The following PCDHGA9 variants were observed in gnomAD, a reference collection of about 807,000 sequenced individuals.
PCDHGA9 encodes the protein protocadherin gamma-A9.
PCDHGA9 carries 37 observed loss-of-function variants against 62.5 expected under a neutral mutation model. That is an observed-to-expected ratio of 0.59 (90% CI 0.46 to 0.78). The LOEUF (loss-of-function observed/expected upper bound fraction) is 0.78, where lower values mean the gene tolerates loss of function less well. Ranked by LOEUF, PCDHGA9 falls within the 30% of genes least tolerant of loss-of-function variation. PCDHGA9 has a pLI of 0.00. For missense variants in PCDHGA9, 1,138 were observed against 1,166.2 expected, an observed-to-expected ratio of 0.98 and a Z score of 0.35; for synonymous variants, 459 against 484.6, an observed-to-expected ratio of 0.95 and a Z score of 0.69.
intron 1 of PCDHGA9, chr5:141,409,528 C>T (rs1488294674): frequency 3.1e-6 from 5 of 1,613,882 alleles, no homozygotes; most frequent in Non-Finnish European, 4.2e-6. Context: ...CCTTGTATGT[C>T]GCTGACATCA....
At chr5:141,421,565 A>G (rs1373619696) in intron 1 of PCDHGA9, 1 of 1,613,952 alleles carries the variant, frequency 6.2e-7, no homozygotes, top group Admixed American at 1.7e-5. Context: ...CTCGTGGAAG[A>G]CACCTTGAAG....
intron 1 of PCDHGA9, chr5:141,410,275 C>A: frequency 6.2e-7 from 1 of 1,614,038 alleles, no homozygotes; most frequent in Non-Finnish European, 8.5e-7. Context: ...TGCAGTTTTA[C>A]CTGGTGGTGG....
chr5:141,465,966 C>CA (rs2099113454), intron 1 of PCDHGA9, among the ~76,000 whole-genome samples: 1 of 151,802 alleles, frequency 6.6e-6, no homozygotes, highest in Non-Finnish European at 1.5e-5. Flanking sequence ...ACTAAAAATA[C>CA]AAAAAATTAG....
intron 1 of PCDHGA9, chr5:141,423,833 T>G: frequency 1.8e-5 from 23 of 1,262,362 alleles, no homozygotes; most frequent in East Asian, 7.3e-5. Flanking sequence ...TTCATGAGAT[T>G]ACGATAATCT....
intron 1 of PCDHGA9, among the ~76,000 whole-genome samples, chr5:141,454,796 A>ATTTTTTTTTTTTTTTTTTTTTT (rs61612330): frequency 5.2e-5 from 4 of 77,456 alleles, no homozygotes; most frequent in Non-Finnish European, 7.0e-5. Context: ...CATGGTTCTA[A>ATTTTTTTTTTTTTTTTTTTTTT]TTTTTTTTTT....
chr5:141,409,205 A>G (rs766592481), intron 1 of PCDHGA9: 3 of 1,614,068 alleles, frequency 1.9e-6, no homozygotes, highest in Non-Finnish European at 1.7e-6. Context: ...TAAAGTAATC[A>G]TAGAAATCCT....
Position 141,405,365 on chromosome 5 carries a change from C to T in PCDHGA9, c.2413C>T (p.Pro805Ser), listed in dbSNP as rs773382376. 2.5e-6 allele frequency: 4 copies of T among 1,613,614 alleles called. No homozygotes were observed. The Admixed American group carries it at 5.0e-5, about 20-fold the overall frequency. The change falls in exon 1 of 4, where the codon CCT (proline) becomes TCT (serine). Residue 805 changes from proline (P) to serine (S), a missense_variant. Physicochemically the swap from Pro to Ser is moderately conservative, Grantham distance 74. Transcript: ENST00000573521. ...TTCCAAGTTTCCTATAGAAGACACC[C>T]CTTTGGTTCCGGTGAGTTCATTTTT... ...VDSKFPIEDT[P>S]LVPQAPPNTD...
Position 141,416,159 on chromosome 5 carries a change from T to C in PCDHGA9, c.2424+10783T>C, listed in dbSNP as rs116406525. ...CTATACTTTGTGGTGATAGTTGCAG[T>C]TGAATATACTAAGTTTTTCATTAAT... On this transcript the variant is annotated intron_variant, in intron 1 of 3. Transcript: ENST00000573521. 1,471 of 153,024 alleles carry C rather than the reference T, an allele frequency of 9.6e-3. 10 individuals carry two copies. Among genetic ancestry groups the C allele is most frequent in the Non-Finnish European group, 0.015 (1,026 of 68,518 alleles). 9.5% of individuals were successfully genotyped at this position (153,024 alleles called of 1,614,324 possible).
rs757755103 is a variant in PCDHGA9 at position 141,432,638 on chromosome 5, C to A, written c.2424+27262C>A. On this transcript the variant is annotated intron_variant, in intron 1 of 3. Coordinates refer to ENST00000573521, the MANE Select transcript of PCDHGA9 (RefSeq NM_018921.3). The surrounding 1 kb of genome is among the most constrained non-coding windows in gnomAD (Gnocchi z 6.0). ...GGTGGGTCTGCACACGGGCGAGGTG[C>A]GCACGGCGCGAGCCCTGCTGGACAG... The A allele has an allele frequency of 6.2e-6, 10 of 1,613,810 alleles. No homozygotes were observed. Among genetic ancestry groups the A allele is most frequent in the African/African-American group, 1.3e-5 (1 of 75,064 alleles).
chr5:141,425,217 T>G (rs565640413), intron 1 of PCDHGA9, among the ~76,000 whole-genome samples: 51 of 152,294 alleles, frequency 3.3e-4, no homozygotes, highest in Middle Eastern at 3.4e-3. Flanking sequence ...GCATTGTACT[T>G]TGACTGGAAT....
chr5:141,504,351 G>A (rs77439649), intron 2 of PCDHGA9, among the ~76,000 whole-genome samples: 2 of 152,010 alleles, frequency 1.3e-5, no homozygotes, highest in African/African-American at 4.8e-5. Context: ...CTTTGTGCTA[G>A]GTGCTTCAGT....
chr5:141,494,528 G>A lies in PCDHGA9; in HGVS notation c.2425-279G>A, dbSNP rs189993899. On this transcript the variant is annotated intron_variant, in intron 1 of 3. Coordinates refer to ENST00000573521, the MANE Select transcript of PCDHGA9 (RefSeq NM_018921.3). ...ATTTTGGCTCAGGAGTTCTGACTCTGGGGGCAGGGAGGAAGGGGCCATTTC... is the reference window on the plus strand; with the variant it reads ...ATTTTGGCTCAGGAGTTCTGACTCTAGGGGCAGGGAGGAAGGGGCCATTTC... 3.0e-4 allele frequency among the ~76,000 whole-genome samples: 45 copies of A among 152,274 alleles called. 1 individual carries two copies. Among genetic ancestry groups the A allele is most frequent in the African/African-American group, 1.0e-3 (42 of 41,542 alleles).
Position 141,404,234 on chromosome 5 carries a change from G to A in PCDHGA9, c.1282G>A (p.Gly428Arg), listed in dbSNP as rs2094500908. The A allele has an allele frequency of 6.2e-7, 1 of 1,613,770 alleles. No homozygotes were observed. Among genetic ancestry groups the A allele is most frequent in the African/African-American group, 1.3e-5 (1 of 75,000 alleles). The change falls in exon 1 of 4, where the codon GGA becomes AGA. Residue 428 changes from glycine to arginine, a missense_variant. Transcript: ENST00000573521. ...YNITVTATDRGTPPLSTEIHI... is the reference protein window; with the variant it reads ...YNITVTATDRRTPPLSTEIHI... ...TATCACGGTGACTGCAACAGACAGA[G>A]GAACTCCGCCCCTGTCCACAGAAAT...
chr5:141,490,566 C>T lies in PCDHGA9; in HGVS notation c.2425-4241C>T. 3 of 1,614,132 alleles carry T rather than the reference C, an allele frequency of 1.9e-6. No homozygotes were observed. Among genetic ancestry groups the T allele is most frequent in the Non-Finnish European group, 2.5e-6 (3 of 1,180,028 alleles). On this transcript the variant is annotated intron_variant, in intron 1 of 3. Transcript: ENST00000573521. This position sits in a 1 kb window ranked among gnomAD's most constrained non-coding sequence, Gnocchi z 5.4. ...TACACAAACATCTCACCATCAGGCT[C>T]AACATTTCAGATGTCAATGACAATG...
At position 141,486,927 on chromosome 5, in the gene PCDHGA9, G is replaced by A; in HGVS notation, c.2425-7880G>A. ...CCCCAAGCACTGCCTCCATCAGTTG[G>A]TGCTGGCCACCTAATCACAAAGGTG... On this transcript the variant is annotated intron_variant, in intron 1 of 3. Transcript: ENST00000573521. The surrounding 1 kb of genome is among the most constrained non-coding windows in gnomAD (Gnocchi z 5.0). 4 of 1,614,226 alleles carry A rather than the reference G, an allele frequency of 2.5e-6. No individual in the cohort carries two copies. Among genetic ancestry groups the A allele is most frequent in the Non-Finnish European group, 3.4e-6 (4 of 1,180,046 alleles).
At chr5:141,426,022 T>A (rs1174153557) in intron 1 of PCDHGA9, among the ~76,000 whole-genome samples, 3 of 152,204 alleles carry the variant, frequency 2.0e-5, no homozygotes, top group Admixed American at 2.0e-4. Flanking sequence ...GTTTTCTAAA[T>A]AGACTCAGAG....
In PCDHGA9 at chr5:141,491,736, G is replaced by T; in HGVS notation, c.2425-3071G>T. The T allele has an allele frequency of 6.2e-7, 1 of 1,600,560 alleles. No individual in the cohort carries two copies. Among genetic ancestry groups the T allele is most frequent in the Non-Finnish European group, 8.5e-7 (1 of 1,174,270 alleles). ...CGGCGCCGCCCCGGGCGACCCCTGG[G>T]GGCGGCACTGGAGAAGCCGCCCGTC... On this transcript the variant is annotated intron_variant, in intron 1 of 3. Coordinates refer to ENST00000573521, the MANE Select transcript of PCDHGA9 (RefSeq NM_018921.3). This position sits in a 1 kb window ranked among gnomAD's most constrained non-coding sequence, Gnocchi z 6.9.
rs200843744 is a variant in PCDHGA9, at chr5:141,491,417, G to C, written c.2425-3390G>C. 18 of 1,613,988 alleles carry C rather than the reference G, an allele frequency of 1.1e-5. No individual in the cohort carries two copies. Among genetic ancestry groups the C allele is most frequent in the Admixed American group, 5.0e-5 (3 of 60,006 alleles). ...CAGGGAAACGCAGACGGGGACGGGGGTGGAGGGCAGTGCTGCAGGCGCCAG... is the reference window on the plus strand; with the variant it reads ...CAGGGAAACGCAGACGGGGACGGGGCTGGAGGGCAGTGCTGCAGGCGCCAG... On this transcript the variant is annotated intron_variant, in intron 1 of 3. Transcript: ENST00000573521. This position sits in a 1 kb window ranked among gnomAD's most constrained non-coding sequence, Gnocchi z 6.9.
chr5:141,428,513 AAAG>A (rs891793310), intron 1 of PCDHGA9: 2 of 280,938 alleles, frequency 7.1e-6, no homozygotes, highest in Non-Finnish European at 1.4e-5. Context: ...GATTCTAGAA[AAAG>A]AAGATTTAAT....
Sources: allele counts gnomAD v4.1 joint callset (sites outside exome capture counted in the v4.1 genomes callset), GRCh38; gene constraint gnomAD v4.1.1; non-coding constraint Gnocchi (gnomAD v3.1); transcripts MANE v1.5; gene names NCBI Gene and HGNC (gene_info 2026-07-23, HGNC 2026-07-21).